Variants in USH2A observed in about 807,000 individuals in gnomAD.
USH2A encodes usherin, also known as Usher syndrome 2A (autosomal recessive, mild).
A neutral mutation model predicts 538.9 loss-of-function variants in USH2A; 443 were observed. That is an observed-to-expected ratio of 0.82 (90% confidence interval 0.76 to 0.89). The LOEUF (loss-of-function observed/expected upper bound fraction) is 0.89, where lower values mean the gene tolerates loss of function less well. Among genes scored for constraint, USH2A ranks in the 40% least tolerant of loss-of-function variants. The pLI is 0.00. For missense variants in USH2A, 6,633 were observed against 6,324.8 expected (o/e 1.05, Z -1.65); for synonymous variants, 2,413 against 2,273.5 (o/e 1.06, Z -1.75).
chr1:216,276,624 T>G (rs1019532238), intron 11 of USH2A, among the ~76,000 whole-genome samples: 3 of 152,108 alleles, frequency 2.0e-5, no homozygotes, highest in Non-Finnish European at 2.9e-5. Context: ...TACCTGAGAC[T>G]GGGCAATTTA....
intron 68 of USH2A, 113 bp from the exon 69 acceptor site, chr1:215,639,351 G>A: frequency 2.0e-6 from 2 of 986,394 alleles, no homozygotes; most frequent in Non-Finnish European, 3.2e-6. Context: ...TCCAAAGCAA[G>A]TTATGACGTT....
At chr1:216,147,727 C>T (rs1392515264) in intron 21 of USH2A, among the ~76,000 whole-genome samples, 2 of 150,798 alleles carry the variant, frequency 1.3e-5, no homozygotes, top group African/African-American at 4.9e-5. Flanking sequence ...GTGAGACAAA[C>T]CCCAGCCACA....
At chr1:215,987,731 G>A (rs962829472) in intron 35 of USH2A, among the ~76,000 whole-genome samples, 1 of 152,128 alleles carries the variant, frequency 6.6e-6, no homozygotes, top group Admixed American at 6.5e-5. Flanking sequence ...AAAAAGATGG[G>A]TCTTGTAAGC....
chr1:215,986,283 C>A (rs562771606), intron 35 of USH2A, among the ~76,000 whole-genome samples: 1 of 149,040 alleles, frequency 6.7e-6, no homozygotes, highest in Non-Finnish European at 1.5e-5. Flanking sequence ...CCACGCCTGG[C>A]TAATTTTTTT....
intron 47 of USH2A, among the ~76,000 whole-genome samples, chr1:215,824,557 A>G (rs912124262): frequency 6.6e-6 from 1 of 152,032 alleles, no homozygotes; most frequent in East Asian, 1.9e-4. Flanking sequence ...CAAAACTACT[A>G]CAGTGTGGTG....
intron 4 of USH2A, among the ~76,000 whole-genome samples, chr1:216,352,074 G>T (rs573089901): frequency 2.0e-5 from 3 of 152,274 alleles, no homozygotes; most frequent in African/African-American, 7.2e-5. Context: ...TGGGTAGTTT[G>T]ATACATGTAA....
intron 60 of USH2A, among the ~76,000 whole-genome samples, chr1:215,730,408 G>A (rs1357752372): frequency 6.6e-6 from 1 of 152,170 alleles, no homozygotes; most frequent in Non-Finnish European, 1.5e-5. Flanking sequence ...TATCAGGGCA[G>A]TATTCCAGGT....
intron 21 of USH2A, among the ~76,000 whole-genome samples, chr1:216,157,093 C>T (rs970193177): frequency 5.9e-5 from 9 of 151,974 alleles, no homozygotes; most frequent in South Asian, 4.1e-4. Flanking sequence ...AGGATGGTCT[C>T]GATCTCTTGA....
chr1:216,380,218 A>G (rs1264762769), intron 3 of USH2A, among the ~76,000 whole-genome samples: 1 of 152,188 alleles, frequency 6.6e-6, no homozygotes, highest in Non-Finnish European at 1.5e-5. Flanking sequence ...GGAAGGAACT[A>G]AGAATGAAAT....
At chr1:215,830,687 C>T (rs1350186278) in intron 47 of USH2A, among the ~76,000 whole-genome samples, 2 of 152,178 alleles carry the variant, frequency 1.3e-5, no homozygotes, top group Non-Finnish European at 1.5e-5. Flanking sequence ...CCAAGCTGCA[C>T]ATTTATGGTT....
At chr1:216,174,088 A>G (rs2034325259) in intron 21 of USH2A, 3 of 985,210 alleles carry the variant, frequency 3.0e-6, no homozygotes, top group Admixed American at 6.2e-5. Flanking sequence ...TTAGAATATA[A>G]TCATGATTCA....
chr1:216,397,706 T>G (rs911276380), intron 3 of USH2A, among the ~76,000 whole-genome samples: 1 of 152,198 alleles, frequency 6.6e-6, no homozygotes, highest in Non-Finnish European at 1.5e-5. Context: ...GATCTGGGGG[T>G]TCTCAGGCTT....
At chr1:216,297,356 C>A (rs2037128397) in intron 9 of USH2A, among the ~76,000 whole-genome samples, 1 of 152,082 alleles carries the variant, frequency 6.6e-6, no homozygotes, top group African/African-American at 2.4e-5. Flanking sequence ...CAGTTAGTTA[C>A]TCCTAGAGTC....
rs2102783823 is a variant in USH2A, at chr1:216,418,569, T to C, written c.596A>G (p.Lys199Arg). Reference protein sequence around the residue: ...RTVNGLQPPIKVMTLGRILVK... With the variant: ...RTVNGLQPPIRVMTLGRILVK... ...AAGAATTCTCCCCAGTGTCATTACTTTTATTGGAGGTTGCAAACCATTTAC... is the reference window on the plus strand; with the variant it reads ...AAGAATTCTCCCCAGTGTCATTACTCTTATTGGAGGTTGCAAACCATTTAC... The change falls in exon 3 of 72, where the codon AAA becomes AGA. Residue 199 changes from lysine to arginine, a missense_variant. By Grantham distance (26) the Lys-to-Arg change is conservative. Transcript: ENST00000307340. 3 of 1,613,424 alleles carry C rather than the reference T, an allele frequency of 1.9e-6. No individual in the cohort carries two copies. The highest frequency in any genetic ancestry group is 1.7e-4 in the Middle Eastern group (1 of 6,054).
intron 9 of USH2A, among the ~76,000 whole-genome samples, chr1:216,307,762 C>T (rs773495579): frequency 1.4e-4 from 21 of 152,154 alleles, no homozygotes; most frequent in Non-Finnish European, 2.9e-4. Flanking sequence ...GGCTCTTCCC[C>T]CTGCTTCCTT....
intron 12 of USH2A, among the ~76,000 whole-genome samples, chr1:216,249,978 G>T (rs546753242): frequency 3.9e-5 from 6 of 152,182 alleles, no homozygotes; most frequent in African/African-American, 1.4e-4. Flanking sequence ...ATGACTTGGT[G>T]TCTTGAATGA....
chr1:215,686,005 G>A (rs955112501), intron 61 of USH2A, among the ~76,000 whole-genome samples: 1 of 152,144 alleles, frequency 6.6e-6, no homozygotes, highest in African/African-American at 2.4e-5. Context: ...CAGGCCTATT[G>A]TTTTAGTGTG....
rs1323179502 is a variant in USH2A at position 216,165,244 on chromosome 1, G to T, written c.4627+10008C>A. Reference sequence around the variant, plus strand: ...TAAACCTATTGCAATAAGCCCTAATGATATGTATAGGTAAAAGTGTCAAAA... The same window carrying T: ...TAAACCTATTGCAATAAGCCCTAATTATATGTATAGGTAAAAGTGTCAAAA... On this transcript the variant is annotated intron_variant, in intron 21 of 71. Coordinates refer to ENST00000307340, the MANE Select transcript of USH2A (RefSeq NM_206933.4). Among the ~76,000 whole-genome samples, 8 of 152,170 alleles carry T rather than the reference G, an allele frequency of 5.3e-5. No homozygotes were observed. In the East Asian group the frequency reaches 7.8e-4, roughly 15 times the overall value.
At chr1:215,630,480 GTGTATATATATATATATA>G (rs1342400408) in intron 70 of USH2A, among the ~76,000 whole-genome samples, 1,305 of 105,822 alleles carry the variant, frequency 0.012, 65 homozygotes, top group East Asian at 0.1. Flanking sequence ...GTATGTGTGT[GTGTATATATATATATATA>G]TATATATATA....
Sources: gnomAD v4.1 joint callset for allele counts (sites outside exome capture counted in the v4.1 genomes callset) on GRCh38, gnomAD v4.1.1 for gene constraint, MANE v1.5 for transcripts, NCBI Gene and HGNC (gene_info 2026-07-23, HGNC 2026-07-21) for gene names.